STARD13: variants seen among roughly 807,000 people sequenced by gnomAD.
The protein encoded by STARD13 is StAR related lipid transfer domain containing 13.
In STARD13, 62 loss-of-function variants were observed where a neutral mutation model predicts 106.4. The observed-to-expected ratio is 0.58, with a 90% CI of 0.48 to 0.72. STARD13 has a LOEUF of 0.72. Among genes scored for constraint, STARD13 ranks in the 30% least tolerant of loss-of-function variants. STARD13 has a pLI of 0.00. For missense variants in STARD13, 1,387 were observed against 1,424.0 expected (o/e 0.97, Z 0.42); for synonymous variants, 565 against 553.0 (o/e 1.02, Z -0.31).
At chr13:33,521,538 A>G in the STARD13 span, among the ~76,000 whole-genome samples, 1 of 152,128 alleles carries the variant, frequency 6.6e-6, no homozygotes, top group African/African-American at 2.4e-5. Flanking sequence ...CCCAGCTTGC[A>G]TGCTGCCTGT....
intron 5 of STARD13, 57 bp downstream of exon 5, chr13:33,128,871 CA>C: frequency 4.0e-6 from 6 of 1,514,850 alleles, no homozygotes; most frequent in Non-Finnish European, 5.3e-6. Flanking sequence ...AAGAAATAAA[CA>C]GAACACAATT....
the STARD13 span, among the ~76,000 whole-genome samples, chr13:33,572,480 C>T: frequency 6.6e-6 from 1 of 152,176 alleles, no homozygotes; most frequent in African/African-American, 2.4e-5. Context: ...GTGCTGGAGT[C>T]TCTGAGCCTA....
intron 1 of STARD13, chr13:33,205,788 C>T (rs867077622): frequency 8.6e-6 from 8 of 926,610 alleles, no homozygotes; most frequent in African/African-American, 1.8e-5. Context: ...CCCACCACCA[C>T]GACCTCTTTT....
chr13:33,355,112 C>T (rs1236930911), upstream of STARD13: 1 of 152,010 alleles, frequency 6.6e-6, no homozygotes, highest in Non-Finnish European at 1.5e-5. Context: ...ACAAATAATC[C>T]TGCGATAAAT....
the STARD13 span, among the ~76,000 whole-genome samples, chr13:33,462,300 T>C: frequency 2.0e-5 from 3 of 152,222 alleles, no homozygotes; most frequent in Non-Finnish European, 4.4e-5. Flanking sequence ...CTTTCCCCAG[T>C]CTTTGAAATA....
At chr13:33,309,148 C>T (rs953836233) in intron 1 of STARD13, among the ~76,000 whole-genome samples, 2 of 152,166 alleles carry the variant, frequency 1.3e-5, no homozygotes, top group African/African-American at 2.4e-5. Flanking sequence ...TCCAATAACT[C>T]AATACATTTT....
In STARD13 at chr13:33,125,993, T is replaced by C. The variant is rs551269282; in HGVS notation, c.2082+88A>G. 108 of 1,449,928 alleles carry C rather than the reference T, an allele frequency of 7.4e-5. No individual in the cohort carries two copies. The African/African-American group carries it at 1.5e-3, about 20-fold the overall frequency. 89.8% of individuals were successfully genotyped at this position (1,449,928 alleles called of 1,614,324 possible). ...TGGTGAGGCATGTCTTGCCTGATATTGGGCAGATCTGACTCAGTCTGACAT... is the reference window on the plus strand; with the variant it reads ...TGGTGAGGCATGTCTTGCCTGATATCGGGCAGATCTGACTCAGTCTGACAT... On this transcript the variant is annotated intron_variant, in intron 7 of 13. Transcript: ENST00000336934.
the STARD13 span, among the ~76,000 whole-genome samples, chr13:33,357,214 CTGAT>C: frequency 6.6e-6 from 1 of 152,186 alleles, no homozygotes; most frequent in Non-Finnish European, 1.5e-5. Flanking sequence ...TAAATCAAGG[CTGAT>C]TAAGTATGTT....
chr13:33,138,638 G>T, intron 4 of STARD13: 1 of 253,804 alleles, frequency 3.9e-6, no homozygotes, highest in Non-Finnish European at 7.9e-6. Flanking sequence ...CTACGTGGCC[G>T]GGCCTGCCTG....
the STARD13 span, among the ~76,000 whole-genome samples, chr13:33,579,767 C>T: frequency 1.3e-5 from 2 of 151,662 alleles, no homozygotes; most frequent in African/African-American, 4.8e-5. Context: ...AAAATCTGAA[C>T]AGACACCTCA....
chr13:33,339,321 T>C (rs911581884), intron 1 of STARD13, among the ~76,000 whole-genome samples: 1 of 152,220 alleles, frequency 6.6e-6, no homozygotes, highest in Non-Finnish European at 1.5e-5. Flanking sequence ...TCTTCCATCA[T>C]GCCCTAATAC....
At chr13:33,653,890 A>G in the STARD13 span, among the ~76,000 whole-genome samples, 2 of 152,246 alleles carry the variant, frequency 1.3e-5, no homozygotes, top group South Asian at 4.1e-4. Flanking sequence ...ACATCTTCCT[A>G]AATAACATAT....
chr13:33,141,458 T>A (rs933031803), intron 4 of STARD13, among the ~76,000 whole-genome samples: 1 of 152,172 alleles, frequency 6.6e-6, no homozygotes, highest in Admixed American at 6.5e-5. Context: ...ATTTCAAAAC[T>A]CAAATCTCTA....
At chr13:33,512,565 T>A in the STARD13 span, among the ~76,000 whole-genome samples, 1 of 152,076 alleles carries the variant, frequency 6.6e-6, no homozygotes, top group Non-Finnish European at 1.5e-5. Context: ...CCTCTAGAGT[T>A]CAAGTGATTC....
intron 1 of STARD13, among the ~76,000 whole-genome samples, chr13:33,221,410 C>T (rs986742066): frequency 6.6e-6 from 1 of 152,174 alleles, no homozygotes; most frequent in African/African-American, 2.4e-5. Context: ...CATTTCCTTG[C>T]TTTTTAAGGC....
chr13:33,206,069 G>A (rs1887398212), intron 1 of STARD13: 4 of 954,378 alleles, frequency 4.2e-6, no homozygotes, highest in African/African-American at 3.5e-5. Flanking sequence ...TTTTGGCCCC[G>A]CCTCCAGCTC....
At chr13:33,132,593 G>T (rs780286420) in intron 4 of STARD13, among the ~76,000 whole-genome samples, 1 of 152,146 alleles carries the variant, frequency 6.6e-6, no homozygotes, top group Non-Finnish European at 1.5e-5. Flanking sequence ...GCTCACGCCT[G>T]TAATCTCAGC....
At chr13:33,415,196 G>A in the STARD13 span, among the ~76,000 whole-genome samples, 5 of 152,172 alleles carry the variant, frequency 3.3e-5, no homozygotes, top group African/African-American at 1.2e-4. Context: ...GTGAAACCCC[G>A]TCTGTACTAA....
At chr13:33,163,272 CAG>C (rs1882849700) in intron 3 of STARD13, among the ~76,000 whole-genome samples, 1 of 151,814 alleles carries the variant, frequency 6.6e-6, no homozygotes, top group Admixed American at 6.6e-5. Context: ...GGTGGGGACA[CAG>C]AGCCAAACCA....
Sources: gnomAD v4.1 joint callset for allele counts (sites outside exome capture counted in the v4.1 genomes callset) on GRCh38, gnomAD v4.1.1 for gene constraint, MANE v1.5 for transcripts, NCBI Gene and HGNC (gene_info 2026-07-23, HGNC 2026-07-21) for gene names.